PTPRD: variants seen among roughly 807,000 people sequenced by gnomAD.
The protein encoded by PTPRD is protein tyrosine phosphatase receptor type D.
In PTPRD, 34 loss-of-function variants were observed where a neutral mutation model predicts 214.5. The ratio of observed to expected loss-of-function variants is 0.16; its 90% CI spans 0.12 to 0.21. The LOEUF is 0.21. PTPRD is among the 10% of genes least tolerant of loss of function. The probability of loss-of-function intolerance (pLI) is 1.00; values close to 1 mark genes in which losing one functional copy is unlikely to be tolerated. For missense variants in PTPRD, 2,545 were observed against 2,398.7 expected (o/e 1.06, Z -1.27); for synonymous variants, 1,128 against 845.7 (o/e 1.33, Z -5.79).
chr9:9,331,819 G>C (rs2042415567), intron 9 of PTPRD, among the ~76,000 whole-genome samples: 1 of 151,998 alleles, frequency 6.6e-6, no homozygotes, highest in Non-Finnish European at 1.5e-5. Context: ...AATTGGGGCT[G>C]TTTTGGGGCT....
At chr9:9,061,338 T>C (rs909479095) in intron 10 of PTPRD, among the ~76,000 whole-genome samples, 20 of 152,226 alleles carry the variant, frequency 1.3e-4, no homozygotes, top group African/African-American at 4.8e-4. Context: ...CAATTTCCCA[T>C]TTCTGTTTCA....
intron 14 of PTPRD, among the ~76,000 whole-genome samples, chr9:8,537,809 C>G (rs951938353): frequency 1.3e-5 from 2 of 151,966 alleles, no homozygotes; most frequent in Non-Finnish European, 2.9e-5. Flanking sequence ...ATGCAATCAT[C>G]CTACAAATTA....
At chr9:9,476,756 G>A (rs565841144) in intron 8 of PTPRD, among the ~76,000 whole-genome samples, 10 of 151,244 alleles carry the variant, frequency 6.6e-5, no homozygotes, top group East Asian at 5.8e-4. Context: ...ATTTTTTTGC[G>A]ATGGATTTTT....
chr9:9,359,860 T>C (rs1346586170), intron 9 of PTPRD, among the ~76,000 whole-genome samples: 1 of 151,274 alleles, frequency 6.6e-6, no homozygotes, highest in Admixed American at 6.6e-5. Flanking sequence ...CTCAAAAAAG[T>C]GAAAGAAGAT....
intron 2 of PTPRD, among the ~76,000 whole-genome samples, chr9:10,575,825 T>C (rs2069108835): frequency 6.6e-6 from 1 of 152,076 alleles, no homozygotes; most frequent in African/African-American, 2.4e-5. Flanking sequence ...TCCCTAGGGG[T>C]TCCAACATCA....
At chr9:9,094,428 C>G (rs1307078146) in intron 10 of PTPRD, among the ~76,000 whole-genome samples, 1 of 152,026 alleles carries the variant, frequency 6.6e-6, no homozygotes, top group Non-Finnish European at 1.5e-5. Context: ...AAAGGAAAAC[C>G]AAAAATCGTA....
intron 2 of PTPRD, among the ~76,000 whole-genome samples, chr9:10,526,917 T>C (rs1420591548): frequency 6.6e-6 from 1 of 152,150 alleles, no homozygotes; most frequent in Non-Finnish European, 1.5e-5. Context: ...CATCCTCATC[T>C]GCAGATGGCA....
At chr9:9,127,141 G>A (rs1040006175) in intron 10 of PTPRD, among the ~76,000 whole-genome samples, 1 of 152,076 alleles carries the variant, frequency 6.6e-6, no homozygotes, top group Non-Finnish European at 1.5e-5. Flanking sequence ...CTCAGGCTGG[G>A]ACCATGTACA....
intron 9 of PTPRD, among the ~76,000 whole-genome samples, chr9:9,256,753 G>A (rs2099977879): frequency 6.6e-6 from 1 of 151,904 alleles, no homozygotes; most frequent in African/African-American, 2.4e-5. Flanking sequence ...ACTTTAAAAT[G>A]TCATTCCTCT....
intron 7 of PTPRD, among the ~76,000 whole-genome samples, chr9:9,634,070 G>T (rs2095677946): frequency 1.3e-5 from 2 of 151,972 alleles, no homozygotes; most frequent in Non-Finnish European, 2.9e-5. Context: ...ACTTAAAAAT[G>T]GTATATAATA....
chr9:9,928,800 G>A lies in PTPRD; in HGVS notation c.-368+9707C>T, dbSNP rs559103848. Among the ~76,000 whole-genome samples the A allele has an allele frequency of 2.3e-5, 3 of 129,426 alleles. No homozygotes were observed. The South Asian group carries it at 6.8e-4, about 29-fold the overall frequency. The allele number at this position is 129,426 out of a possible 152,430, so 84.9% of individuals were successfully genotyped here. ...CACACACACACACAATTTGCATTTTGGAAGAAAACTTAATTTTTTGAAGCC... is the reference window on the plus strand; with the variant it reads ...CACACACACACACAATTTGCATTTTAGAAGAAAACTTAATTTTTTGAAGCC... On this transcript the variant is annotated intron_variant, in intron 5 of 45. Transcript: ENST00000381196.
intron 2 of PTPRD, among the ~76,000 whole-genome samples, chr9:10,509,124 G>A (rs926149263): frequency 3.3e-5 from 5 of 151,808 alleles, no homozygotes; most frequent in Admixed American, 1.3e-4. Flanking sequence ...AAATATCTAT[G>A]CACATATTAT....
In PTPRD at chr9:9,614,276, T is replaced by G. The variant is rs545389269; in HGVS notation, c.-286-39495A>C. Among the ~76,000 whole-genome samples the G allele has an allele frequency of 2.0e-5, 3 of 152,276 alleles. No homozygotes were observed. The South Asian group carries it at 6.2e-4, about 32-fold the overall frequency. On this transcript the variant is annotated intron_variant, in intron 7 of 45. Transcript: ENST00000381196. ...GATACATTCAAATACCATGTCACTT[T>G]GCTATAATAAAGCAATTCTCAGCAG... is the stretch of plus-strand genomic sequence containing the variant.
chr9:10,396,997 G>A (rs2098183230), intron 2 of PTPRD, among the ~76,000 whole-genome samples: 1 of 151,866 alleles, frequency 6.6e-6, no homozygotes, highest in African/African-American at 2.4e-5. Context: ...TACACGTCTG[G>A]GGAAACTACA....
intron 7 of PTPRD, among the ~76,000 whole-genome samples, chr9:9,652,760 A>G (rs951403142): frequency 2.6e-5 from 4 of 151,742 alleles, no homozygotes; most frequent in Non-Finnish European, 5.9e-5. Flanking sequence ...GATTACAGGT[A>G]TGTACCACCA....
chr9:8,573,083 C>T (rs2091573497), intron 14 of PTPRD, among the ~76,000 whole-genome samples: 2 of 151,970 alleles, frequency 1.3e-5, no homozygotes, highest in Admixed American at 6.6e-5. Context: ...TCAATTTAAA[C>T]TCCTATGACT....
At chr9:10,135,468 G>T (rs527471543) in intron 3 of PTPRD, among the ~76,000 whole-genome samples, 1 of 152,138 alleles carries the variant, frequency 6.6e-6, no homozygotes, top group African/African-American at 2.4e-5. Flanking sequence ...AAATATTAAA[G>T]ACAGCTAAAA....
chr9:10,015,441 G>A (rs139774473), intron 4 of PTPRD, among the ~76,000 whole-genome samples: 29 of 152,152 alleles, frequency 1.9e-4, no homozygotes, highest in South Asian at 2.1e-4. Flanking sequence ...CTCATGCCTC[G>A]TTTGAAAGAA....
At chr9:8,321,509 A>ATATATATATG in intron 44 of PTPRD, among the ~76,000 whole-genome samples, 1 of 125,380 alleles carries the variant, frequency 8.0e-6, no homozygotes, top group Admixed American at 7.9e-5. Flanking sequence ...ATATATATAT[A>ATATATATATG]TATATATATA....
Sources: allele counts gnomAD v4.1 joint callset (sites outside exome capture counted in the v4.1 genomes callset), GRCh38; gene constraint gnomAD v4.1.1; transcripts MANE v1.5; gene names NCBI Gene and HGNC (gene_info 2026-07-23, HGNC 2026-07-21).